SCARA3: variants seen among roughly 807,000 people sequenced by gnomAD.
The protein encoded by SCARA3 is cellular stress response gene protein.
Under a neutral mutation model 47.0 loss-of-function variants are expected in SCARA3, and 39 were observed. That is an observed-to-expected ratio of 0.83 (90% confidence interval 0.64 to 1.08). SCARA3 has a LOEUF of 1.08. Ranked by LOEUF, SCARA3 falls within the 50% of genes least tolerant of loss-of-function variation. SCARA3 has a pLI of 0.00. For missense variants in SCARA3, 724 were observed against 792.3 expected (o/e 0.91, Z 1.04); for synonymous variants, 356 against 334.1 (o/e 1.07, Z -0.71).
At chr8:27,689,040 C>T in the SCARA3 span, among the ~76,000 whole-genome samples, 1 of 152,166 alleles carries the variant, frequency 6.6e-6, no homozygotes, top group Non-Finnish European at 1.5e-5. Flanking sequence ...AAGGCACCTC[C>T]TTAGAACCTG....
intron 1 of SCARA3, among the ~76,000 whole-genome samples, 157 bp downstream of exon 1, chr8:27,634,364 C>T (rs1380403670): frequency 6.6e-6 from 1 of 152,088 alleles, no homozygotes; most frequent in Non-Finnish European, 1.5e-5. Context: ...CGAGACAGGA[C>T]GGATCCCTGA....
intron 1 of SCARA3, 48 bp downstream of exon 1, chr8:27,634,255 C>T: frequency 1.5e-6 from 2 of 1,314,436 alleles, no homozygotes; most frequent in Non-Finnish European, 1.9e-6. Flanking sequence ...CGCCTGCACC[C>T]CCGCTCCACC....
intron 5 of SCARA3, among the ~76,000 whole-genome samples, chr8:27,665,388 C>T (rs999816090): frequency 6.6e-6 from 1 of 152,252 alleles, no homozygotes. Flanking sequence ...ATATTTATCT[C>T]TTCCTACTCT....
the SCARA3 span, among the ~76,000 whole-genome samples, chr8:27,684,572 G>A: frequency 6.6e-6 from 1 of 151,666 alleles, no homozygotes; most frequent in Non-Finnish European, 1.5e-5. Flanking sequence ...TATAGTCCCA[G>A]CTACTTGGGA....
At chr8:27,705,192 T>C in the SCARA3 span, among the ~76,000 whole-genome samples, 7 of 151,950 alleles carry the variant, frequency 4.6e-5, no homozygotes, top group African/African-American at 1.7e-4. Flanking sequence ...AATGGGGTAT[T>C]GAGGAAGGGA....
chr8:27,658,802 A>G lies in SCARA3; in HGVS notation c.632A>G (p.Gln211Arg). Residue 211 changes from glutamine (Q) to arginine (R), a missense_variant, in exon 5 of 6, where the codon CAG becomes CGG. Transcript: ENST00000301904. ...GLDLSLKDLT[Q>R]ECYDVKAAVH... The stretch of plus-strand genomic sequence containing the variant: ...GACCTCTCTCTGAAGGACCTCACCC[A>G]GGAGTGCTACGATGTCAAGGCTGCA... 1 of 1,614,120 alleles carries G rather than the reference A, an allele frequency of 6.2e-7. No homozygotes were observed. The highest frequency in any genetic ancestry group is 2.2e-5 in the East Asian group (1 of 44,868).
chr8:27,725,481 A>C, the SCARA3 span, among the ~76,000 whole-genome samples: 3,258 of 151,302 alleles, frequency 0.022, 120 homozygotes, highest in African/African-American at 0.074. Context: ...AGAAATTTTA[A>C]GGAATAAATC....
the SCARA3 span, among the ~76,000 whole-genome samples, chr8:27,720,848 C>T: frequency 5.9e-5 from 9 of 152,204 alleles, no homozygotes; most frequent in Non-Finnish European, 8.8e-5. Flanking sequence ...AGTCATCCAT[C>T]CATCCACCTA....
In SCARA3 at chr8:27,671,594, A is replaced by ACATGCACACATACACATG. The variant is rs772698177; in HGVS notation, c.*260_*277dup. ...TGCACACACATGCACACATACACGC[A>ACATGCACACATACACATG]CATGCACACATACACATGCATGCAC... On this transcript the variant is annotated 3_prime_UTR_variant, in exon 6 of 6. Coordinates refer to ENST00000301904, the MANE Select transcript of SCARA3 (RefSeq NM_016240.3). 1 of 1,243,184 alleles carries ACATGCACACATACACATG rather than the reference A, an allele frequency of 8.0e-7. No individual in the cohort carries two copies. Among genetic ancestry groups the ACATGCACACATACACATG allele is most frequent in the Non-Finnish European group, 1.0e-6 (1 of 996,198 alleles). The allele number at this position is 1,243,184 out of a possible 1,614,324, so 77.0% of individuals were successfully genotyped here. A position where few individuals can be genotyped will look rare whatever the true frequency, so the allele number is the denominator to read the frequency against.
In SCARA3 at chr8:27,671,053, G is replaced by A. The variant is rs967206001; in HGVS notation, c.1523G>A (p.Gly508Glu). ...QGQPGEAGPVGERGPVGPRGF... is the reference protein window; with the variant it reads ...QGQPGEAGPVEERGPVGPRGF... ...CAACCTGGAGAGGCCGGGCCTGTGGGAGAAAGGGGCCCTGTTGGCCCTCGA... is the reference window on the plus strand; with the variant it reads ...CAACCTGGAGAGGCCGGGCCTGTGGAAGAAAGGGGCCCTGTTGGCCCTCGA... Residue 508 changes from glycine to glutamate, a missense_variant, in exon 6 of 6, where the codon GGA becomes GAA. Gly to Glu is a moderately conservative substitution (Grantham distance 98, BLOSUM62 -2). Coordinates refer to ENST00000301904, the MANE Select transcript of SCARA3 (RefSeq NM_016240.3). 1.2e-6 allele frequency: 2 copies of A among 1,612,566 alleles called. No homozygotes were observed. Among genetic ancestry groups the A allele is most frequent in the Non-Finnish European group, 8.5e-7 (1 of 1,179,684 alleles).
chr8:27,715,842 A>G, the SCARA3 span, among the ~76,000 whole-genome samples: 4 of 88,286 alleles, frequency 4.5e-5, no homozygotes, highest in African/African-American at 1.0e-4. The surrounding 1 kb of genome is among the most constrained non-coding windows in gnomAD (Gnocchi z 4.2). Context: ...AGATAGATAG[A>G]TAGATAGATA....
Position 27,634,080 on chromosome 8 carries a change from A to C in SCARA3, c.-121A>C. On this transcript the variant is annotated 5_prime_UTR_variant, in exon 1 of 6. Transcript: ENST00000301904. ...GAGCATGAGTCCCGGCCGGAGCCCCACGGCCGCGGGCGGCGCCTAGGACGG... is the reference window on the plus strand; with the variant it reads ...GAGCATGAGTCCCGGCCGGAGCCCCCCGGCCGCGGGCGGCGCCTAGGACGG... The C allele has an allele frequency of 1.1e-6, 1 of 925,796 alleles. No individual in the cohort carries two copies. The highest frequency in any genetic ancestry group is 1.5e-6 in the Non-Finnish European group (1 of 687,080). The allele number at this position is 925,796 out of a possible 1,614,324, so 57.3% of individuals were successfully genotyped here. A position where few individuals can be genotyped will look rare whatever the true frequency, so the allele number is the denominator to read the frequency against.
intron 1 of SCARA3, among the ~76,000 whole-genome samples, chr8:27,639,869 CAG>C (rs1369194172): frequency 9.2e-5 from 14 of 152,272 alleles, no homozygotes; most frequent in African/African-American, 3.4e-4. Flanking sequence ...TGCTGATCAG[CAG>C]AGTTAGCTCA....
chr8:27,636,033 C>T (rs1427659326), intron 1 of SCARA3, among the ~76,000 whole-genome samples: 1 of 152,202 alleles, frequency 6.6e-6, no homozygotes, highest in East Asian at 1.9e-4. Flanking sequence ...CGGGATGAGC[C>T]AAGCAAGTTA....
chr8:27,697,342 G>C, the SCARA3 span: 1 of 199,934 alleles, frequency 5.0e-6, no homozygotes, highest in Admixed American at 4.7e-5. Flanking sequence ...GGCGTCCCAC[G>C]CCTGCATTTC....
chr8:27,727,112 A>G, the SCARA3 span, among the ~76,000 whole-genome samples: 1 of 151,968 alleles, frequency 6.6e-6, no homozygotes, highest in African/African-American at 2.4e-5. Context: ...GGCCCTCCCT[A>G]TGTTGCCCAG....
At chr8:27,673,375 A>G (rs36019334), downstream of SCARA3, among the ~76,000 whole-genome samples, 4 of 152,368 alleles carry the variant, frequency 2.6e-5, no homozygotes, top group East Asian at 7.7e-4. Context: ...ATAGAACAGG[A>G]AAGGAGGCAG....
chr8:27,687,654 G>A, the SCARA3 span, among the ~76,000 whole-genome samples: 2 of 152,034 alleles, frequency 1.3e-5, no homozygotes, highest in African/African-American at 4.8e-5. Context: ...AACCTAAATA[G>A]TAAAAGGTAC....
At chr8:27,713,268 A>C in the SCARA3 span, among the ~76,000 whole-genome samples, 1 of 152,228 alleles carries the variant, frequency 6.6e-6, no homozygotes, top group African/African-American at 2.4e-5. Flanking sequence ...ATGTCTTCTC[A>C]TTATTAGATT....
Sources: gnomAD v4.1 joint callset for allele counts (sites outside exome capture counted in the v4.1 genomes callset) on GRCh38, gnomAD v4.1.1 for gene constraint, Gnocchi (gnomAD v3.1) non-coding constraint, MANE v1.5 for transcripts, NCBI Gene and HGNC (gene_info 2026-07-23, HGNC 2026-07-21) for gene names.